UGGT2: variants seen among roughly 807,000 people sequenced by gnomAD.
UGGT2 encodes UDP-glucose glycoprotein glucosyltransferase 2, also known as UDP-glucose:glycoprotein glucosyltransferase 2.
In UGGT2, 180 loss-of-function variants were observed where a neutral mutation model predicts 192.1. The ratio of observed to expected loss-of-function variants is 0.94; its 90% CI spans 0.83 to 1.06. UGGT2 has a LOEUF of 1.06. Among genes scored for constraint, UGGT2 ranks in the 50% least tolerant of loss-of-function variants. The pLI, the probability that UGGT2 is intolerant of heterozygous loss-of-function variation, is 0.00. For missense variants in UGGT2, 1,849 were observed against 1,795.7 expected (o/e 1.03, Z -0.54); for synonymous variants, 580 against 591.0 (o/e 0.98, Z 0.27).
intron 22 of UGGT2, 145 bp downstream of exon 22, chr13:95,900,662 A>G (rs1208317927): frequency 1.3e-6 from 1 of 743,590 alleles, no homozygotes; most frequent in Non-Finnish European, 2.0e-6. Context: ...CATTTTATTT[A>G]TGCTGAGTTG....
At chr13:95,877,435 G>T in intron 28 of UGGT2, 71 bp from the exon 29 acceptor site, 3 of 1,224,118 alleles carry the variant, frequency 2.5e-6, no homozygotes, top group Admixed American at 4.5e-5. Context: ...ATGAATACAC[G>T]AATGATCTAA....
intron 30 of UGGT2, 110 bp from the exon 31 acceptor site, chr13:95,863,824 C>T (rs1890388442): frequency 6.0e-6 from 5 of 833,900 alleles, no homozygotes; most frequent in African/African-American, 1.7e-5. Context: ...CTAAGATTGA[C>T]AGTTGCAGTA....
intron 27 of UGGT2, among the ~76,000 whole-genome samples, chr13:95,884,029 G>A (rs1483297879): frequency 8.0e-6 from 1 of 124,740 alleles, no homozygotes; most frequent in Admixed American, 9.6e-5. Flanking sequence ...CCCTAATTTA[G>A]TTAGGACTAC....
chr13:95,982,647 A>G (rs780904393), intron 10 of UGGT2, among the ~76,000 whole-genome samples: 3 of 151,720 alleles, frequency 2.0e-5, no homozygotes, highest in Non-Finnish European at 4.4e-5. Flanking sequence ...TCTCTCTCAT[A>G]AGAGAGAGAG....
At chr13:95,891,668 G>A (rs1594247661) in intron 24 of UGGT2, among the ~76,000 whole-genome samples, 1 of 152,064 alleles carries the variant, frequency 6.6e-6, no homozygotes, top group Non-Finnish European at 1.5e-5. Context: ...CTGAATTACT[G>A]TTTTAACACT....
chr13:95,806,955 T>C (rs1338650540), intron 38 of UGGT2, among the ~76,000 whole-genome samples: 4 of 152,140 alleles, frequency 2.6e-5, no homozygotes, highest in African/African-American at 4.8e-5. Context: ...CATGGAAATC[T>C]TTGTGAATTG....
At position 95,888,530 on chromosome 13, in the gene UGGT2, A is replaced by C. The variant is rs567927591; in HGVS notation, c.2959-559T>G. 7.8e-4 allele frequency among the ~76,000 whole-genome samples: 119 copies of C among 152,314 alleles called. 1 individual carries two copies. Among genetic ancestry groups the C allele is most frequent in the Non-Finnish European group, 9.4e-4 (64 of 68,030 alleles). ...GATAACAAATGATATAGGTAAAGGG[A>C]GAAGTAACGAAACAGATATATGTAA... is the stretch of plus-strand genomic sequence containing the variant. On this transcript the variant is annotated intron_variant, in intron 25 of 38. Coordinates refer to ENST00000376747, the MANE Select transcript of UGGT2 (RefSeq NM_020121.4).
rs781243488 is a variant in UGGT2, at chr13:95,887,299, A to G, written c.3038+593T>C. 3 of 516,610 alleles carry G rather than the reference A, an allele frequency of 5.8e-6. No individual in the cohort carries two copies. The East Asian group carries it at 1.6e-4, about 28-fold the overall frequency. The allele number at this position is 516,610 out of a possible 1,614,324, so 32.0% of individuals were successfully genotyped here. ...CTGTTTTCTGCCCAATGACACATGA[A>G]GGAGAACTGAATATTCCCATCAATA... On this transcript the variant is annotated intron_variant, in intron 26 of 38. Coordinates refer to ENST00000376747, the MANE Select transcript of UGGT2 (RefSeq NM_020121.4).
intron 15 of UGGT2, among the ~76,000 whole-genome samples, chr13:95,944,199 A>G (rs914357872): frequency 3.9e-5 from 6 of 152,050 alleles, no homozygotes; most frequent in African/African-American, 9.7e-5. Flanking sequence ...AGAACAGCCT[A>G]TAATTTTTCC....
intron 1 of UGGT2, among the ~76,000 whole-genome samples, chr13:96,049,461 G>A (rs1171950030): frequency 2.0e-5 from 3 of 152,144 alleles, no homozygotes; most frequent in African/African-American, 7.2e-5. Context: ...TCAACACAGT[G>A]TTGGAAGTTC....
rs760292691 is a variant in UGGT2 at position 95,990,122 on chromosome 13, C to T, written c.831-49G>A. 2.4e-5 allele frequency: 29 copies of T among 1,204,928 alleles called. No individual in the cohort carries two copies. The East Asian group carries it at 6.8e-4, about 28-fold the overall frequency. The allele number at this position is 1,204,928 out of a possible 1,614,324, so 74.6% of individuals were successfully genotyped here. A position where few individuals can be genotyped will look rare whatever the true frequency, so the allele number is the denominator to read the frequency against. On this transcript the variant is annotated intron_variant, in intron 7 of 38. Transcript: ENST00000376747. The stretch of plus-strand genomic sequence containing the variant: ...TTAAGTAGCATCACCTATCACAAAC[C>T]ATTATACAAACAGCATATTTTTGAA...
Position 96,025,688 on chromosome 13 carries a change from T to A in UGGT2, c.242-1929A>T, listed in dbSNP as rs534080613. ...CTGAAACTGTGGCAAGCTAAGTTTT[T>A]AGCTTGCAAGCAGGGTAAAAATTCC... On this transcript the variant is annotated intron_variant, in intron 2 of 38. Coordinates refer to ENST00000376747, the MANE Select transcript of UGGT2 (RefSeq NM_020121.4). Among the ~76,000 whole-genome samples the A allele has an allele frequency of 4.9e-3, 741 of 152,256 alleles. 8 individuals are homozygous for A. The highest frequency in any genetic ancestry group is 0.017 in the African/African-American group (696 of 41,552).
intron 12 of UGGT2, among the ~76,000 whole-genome samples, chr13:95,967,576 C>A (rs150203499): frequency 0.017 from 2,508 of 143,988 alleles, 31 homozygotes; most frequent in Middle Eastern, 0.034. Flanking sequence ...CAGGTTCAAG[C>A]GATTTTCCTG....
At chr13:95,932,847 A>G (rs545032316) in intron 17 of UGGT2, among the ~76,000 whole-genome samples, 1 of 152,352 alleles carries the variant, frequency 6.6e-6, no homozygotes, top group South Asian at 2.1e-4. Context: ...CAAAATGATC[A>G]CATTTTTTGT....
At chr13:95,888,847 T>C (rs1018549700) in intron 25 of UGGT2, among the ~76,000 whole-genome samples, 1 of 151,916 alleles carries the variant, frequency 6.6e-6, no homozygotes, top group African/African-American at 2.4e-5. Context: ...ATAGTCCTGC[T>C]CTGTTGCCAA....
chr13:95,887,079 T>C (rs2047665681), intron 26 of UGGT2, among the ~76,000 whole-genome samples: 1 of 151,998 alleles, frequency 6.6e-6, no homozygotes. Context: ...TAAAAAAAAG[T>C]TCTGCTCAAG....
intron 12 of UGGT2, among the ~76,000 whole-genome samples, chr13:95,951,036 A>G (rs2050045249): frequency 6.6e-6 from 1 of 152,210 alleles, no homozygotes; most frequent in Non-Finnish European, 1.5e-5. Context: ...AGTAATTCAG[A>G]TAATCCAGGT....
intron 20 of UGGT2, among the ~76,000 whole-genome samples, chr13:95,917,734 A>G (rs999804379): frequency 5.3e-5 from 8 of 152,218 alleles, no homozygotes; most frequent in Admixed American, 1.3e-4. Flanking sequence ...AAGCAAATGG[A>G]TAACAGAAAA....
chr13:95,949,833 G>A (rs2050000410), intron 12 of UGGT2, among the ~76,000 whole-genome samples: 2 of 152,020 alleles, frequency 1.3e-5, no homozygotes, highest in Non-Finnish European at 2.9e-5. Flanking sequence ...TTGGATATAA[G>A]GAAAATAAAA....
Sources: gnomAD v4.1 joint callset for allele counts (sites outside exome capture counted in the v4.1 genomes callset) on GRCh38, gnomAD v4.1.1 for gene constraint, MANE v1.5 for transcripts, NCBI Gene and HGNC (gene_info 2026-07-23, HGNC 2026-07-21) for gene names.